Variants in SCN1A observed in about 807,000 individuals in gnomAD.
SCN1A encodes the protein sodium channel protein type 1 subunit alpha.
A neutral mutation model predicts 193.7 loss-of-function variants in SCN1A; 13 were observed. The ratio of observed to expected loss-of-function variants is 0.07; its 90% CI spans 0.04 to 0.11. The LOEUF is 0.11. Among genes scored for constraint, SCN1A ranks in the 10% least tolerant of loss-of-function variants. The pLI, the probability that SCN1A is intolerant of heterozygous loss-of-function variation, is 1.00. For synonymous variants in SCN1A, 781 were observed against 843.6 expected, an observed-to-expected ratio of 0.93 and a Z score of 1.29; for missense variants, 1,432 against 2,451.1, an observed-to-expected ratio of 0.58 and a Z score of 8.78.
rs774919320 is a variant in SCN1A, at chr2:165,992,401, A to G, written c.4874T>C (p.Ile1625Thr). The G allele has an allele frequency of 5.6e-6, 9 of 1,613,624 alleles. No homozygotes were observed. Among genetic ancestry groups the G allele is most frequent in the Non-Finnish European group, 7.6e-6 (9 of 1,179,714 alleles). ...SIVGMFLAEL[I>T]EKYFVSPTLF... The stretch of plus-strand genomic sequence containing the variant: ...GGTAGGGGACACGAAATACTTTTCT[A>G]TCAGCTCGGCAAGAAACATACCTAT... Residue 1625 changes from isoleucine to threonine, a missense_variant, in exon 29 of 29, where the codon ATA (isoleucine) becomes ACA (threonine). Transcript: ENST00000674923. The surrounding 1 kb of genome is among the most constrained non-coding windows in gnomAD (Gnocchi z 6.5).
intron 19 of SCN1A, 57 bp from the exon 20 acceptor site, chr2:166,015,784 T>C (rs1049689061): frequency 1.3e-6 from 2 of 1,598,398 alleles, no homozygotes; most frequent in East Asian, 2.2e-5. Flanking sequence ...ATAAGTTGCC[T>C]GCCAAGAAAG....
Position 166,056,518 on chromosome 2 carries a change from A to C in SCN1A, c.384-18T>G. ...TGAATAATGTAGGTTATTGTTAAGG[A>C]ACACACAAAAGAAAATCAAAATCCA... is the stretch of plus-strand genomic sequence containing the variant. On this transcript the variant is annotated intron_variant, in intron 5 of 28. Transcript: ENST00000674923. The C allele has an allele frequency of 6.6e-7, 1 of 1,516,478 alleles. No individual in the cohort carries two copies. Among genetic ancestry groups the C allele is most frequent in the Non-Finnish European group, 9.2e-7 (1 of 1,091,688 alleles). 93.9% of individuals were successfully genotyped at this position (1,516,478 alleles called of 1,614,324 possible). A position where few individuals can be genotyped will look rare whatever the true frequency, so the allele number is the denominator to read the frequency against.
chr2:166,078,604 A>C (rs1159449453), intron 2 of SCN1A, among the ~76,000 whole-genome samples: 1 of 151,700 alleles, frequency 6.6e-6, no homozygotes, highest in African/African-American at 2.4e-5. Flanking sequence ...TCTAAATACA[A>C]TGTAAGCATT....
rs1303843676 is a variant in SCN1A at position 166,041,073 on chromosome 2, CA to C, written c.2415+157del. The C allele has an allele frequency of 2.7e-4, 174 of 646,752 alleles. No individual in the cohort carries two copies. In the East Asian group the frequency reaches 4.8e-3, roughly 18 times the overall value. The allele number at this position is 646,752 out of a possible 1,614,324, so 40.1% of individuals were successfully genotyped here. A position where few individuals can be genotyped will look rare whatever the true frequency, so the allele number is the denominator to read the frequency against. On this transcript the variant is annotated intron_variant, in intron 16 of 28. Coordinates refer to ENST00000674923, the MANE Select transcript of SCN1A (RefSeq NM_001165963.4). ...GCACATTAAGGGTGATTATTTTTGG[CA>C]AAAAAGTAGAGTATAGCCAGCTAAA...
intron 4 of SCN1A, among the ~76,000 whole-genome samples, chr2:166,069,661 T>G (rs1033652693): frequency 4.6e-5 from 7 of 152,334 alleles, no homozygotes; most frequent in African/African-American, 1.2e-4. Flanking sequence ...TCTGCAAATA[T>G]TTTTACAATT....
rs537142789 is a variant in SCN1A, at chr2:166,007,338, G to A, written c.4002+2381C>T. 1.3e-5 allele frequency: 2 copies of A among 151,286 alleles called. No individual in the cohort carries two copies. The highest frequency in any genetic ancestry group is 3.9e-4 in the East Asian group (2 of 5,128). 9.4% of individuals were successfully genotyped at this position (151,286 alleles called of 1,614,324 possible). On this transcript the variant is annotated intron_variant, in intron 23 of 28. Transcript: ENST00000674923. The stretch of plus-strand genomic sequence containing the variant: ...ATAGTTTGTTATTAGTTAGAAATCT[G>A]ATATGACAGAACATTTGGTGTTACT...
chr2:166,063,486 T>G (rs751828966), intron 4 of SCN1A, among the ~76,000 whole-genome samples: 39 of 152,126 alleles, frequency 2.6e-4, no homozygotes, highest in Non-Finnish European at 4.7e-4. Context: ...ATTAACTGTT[T>G]AGTACAATAT....
intron 4 of SCN1A, among the ~76,000 whole-genome samples, chr2:166,069,247 A>G (rs1234406760): frequency 6.6e-6 from 1 of 152,196 alleles, no homozygotes; most frequent in Non-Finnish European, 1.5e-5. Flanking sequence ...TTTTCCCCTG[A>G]GTTTTTAACC....
chr2:166,069,924 G>A (rs577014348), intron 4 of SCN1A, among the ~76,000 whole-genome samples: 2 of 152,256 alleles, frequency 1.3e-5, no homozygotes, highest in Non-Finnish European at 1.5e-5. Flanking sequence ...AGAGTACTGT[G>A]TATGTGTACC....
At chr2:166,119,801 A>G (rs1174326362) in intron 2 of SCN1A, among the ~76,000 whole-genome samples, 2 of 152,238 alleles carry the variant, frequency 1.3e-5, no homozygotes, top group Non-Finnish European at 2.9e-5. Context: ...TGTTTCATCA[A>G]TAATTTAAAC....
At chr2:166,141,320 T>TAA (rs1306324992) in intron 1 of SCN1A, among the ~76,000 whole-genome samples, 7 of 151,332 alleles carry the variant, frequency 4.6e-5, no homozygotes, top group South Asian at 2.1e-4. Context: ...TTTTTTTTTT[T>TAA]ATCTTCTTTA....
chr2:166,070,869 T>C (rs1275257343), intron 4 of SCN1A, among the ~76,000 whole-genome samples: 1 of 152,168 alleles, frequency 6.6e-6, no homozygotes, highest in Non-Finnish European at 1.5e-5. Context: ...CATTTATTAT[T>C]TTACAAATAA....
chr2:166,095,762 T>G (rs558876135), intron 2 of SCN1A, among the ~76,000 whole-genome samples: 1 of 152,328 alleles, frequency 6.6e-6, no homozygotes, highest in African/African-American at 2.4e-5. Flanking sequence ...TTATTCTGTT[T>G]CCTATTTATA....
chr2:166,033,723 G>A (rs1695941557), intron 19 of SCN1A, among the ~76,000 whole-genome samples: 1 of 152,080 alleles, frequency 6.6e-6, no homozygotes, highest in African/African-American at 2.4e-5. Context: ...TTATAAAAAG[G>A]TTAGTGTTTC....
intron 2 of SCN1A, among the ~76,000 whole-genome samples, chr2:166,090,462 T>C (rs943918115): frequency 6.6e-6 from 1 of 152,190 alleles, no homozygotes; most frequent in Non-Finnish European, 1.5e-5. Flanking sequence ...ACAAAATAAG[T>C]ATATTTTCCC....
At chr2:166,019,748 A>G (rs1429811903) in intron 19 of SCN1A, among the ~76,000 whole-genome samples, 2 of 152,132 alleles carry the variant, frequency 1.3e-5, no homozygotes, top group Non-Finnish European at 2.9e-5. Flanking sequence ...TAGTGTATGT[A>G]TGGTGAATGA....
intron 19 of SCN1A, among the ~76,000 whole-genome samples, chr2:166,022,901 A>T (rs996971518): frequency 1.3e-5 from 2 of 152,218 alleles, no homozygotes; most frequent in Non-Finnish European, 2.9e-5. Flanking sequence ...GTTTTTTACT[A>T]GAAGCTGAGA....
Position 166,058,914 on chromosome 2 carries a change from A to G in SCN1A, c.265-226T>C, listed in dbSNP as rs141977446. Reference sequence around the variant, plus strand: ...ACCTTTTACCTAATACTTACCCTCAATTTTATTGTACATAAGACAATTAGC... The same window carrying G: ...ACCTTTTACCTAATACTTACCCTCAGTTTTATTGTACATAAGACAATTAGC... On this transcript the variant is annotated intron_variant, in intron 4 of 28. Coordinates refer to ENST00000674923, the MANE Select transcript of SCN1A (RefSeq NM_001165963.4). 4.1e-3 allele frequency among the ~76,000 whole-genome samples: 627 copies of G among 152,180 alleles called. 5 individuals are homozygous for G. The highest frequency in any genetic ancestry group is 0.014 in the African/African-American group (568 of 41,536).
intron 2 of SCN1A, among the ~76,000 whole-genome samples, chr2:166,098,820 TACA>T (rs1489984684): frequency 6.6e-6 from 1 of 152,176 alleles, no homozygotes; most frequent in African/African-American, 2.4e-5. Context: ...GAAAGATCTC[TACA>T]ACAAGAATTA....
Sources: gnomAD v4.1 joint callset for allele counts (sites outside exome capture counted in the v4.1 genomes callset) on GRCh38, gnomAD v4.1.1 for gene constraint, Gnocchi (gnomAD v3.1) non-coding constraint, MANE v1.5 for transcripts, NCBI Gene and HGNC (gene_info 2026-07-23, HGNC 2026-07-21) for gene names.